Variants in SLC18A1 observed in about 807,000 individuals in gnomAD.
The protein encoded by SLC18A1 is chromaffin granule amine transporter.
In SLC18A1, 69 loss-of-function variants were observed where a neutral mutation model predicts 53.7. The ratio of observed to expected loss-of-function variants is 1.28; its 90% CI spans 1.06 to 1.57. The LOEUF (loss-of-function observed/expected upper bound fraction) is 1.57, where lower values mean the gene tolerates loss of function less well. SLC18A1 is among the 40% of genes most tolerant of loss of function. SLC18A1 has a pLI of 0.00. For synonymous variants in SLC18A1, 320 were observed against 248.1 expected (o/e 1.29, Z -2.72); for missense variants, 932 against 668.1 (o/e 1.40, Z -4.35).
In SLC18A1 at chr8:20,145,894, A is replaced by T. The variant is rs747143562; in HGVS notation, c.1465-18T>A. ...AGAATAGCCTGCAGAGAGAGGCAAG[A>T]AGAGAAGCCACTGCACATTATTATC... On this transcript the variant is annotated intron_variant, in intron 15 of 15. Transcript: ENST00000276373. 1.4e-6 allele frequency: 2 copies of T among 1,469,376 alleles called. No individual in the cohort carries two copies. Among genetic ancestry groups the T allele is most frequent in the Middle Eastern group, 1.8e-4 (1 of 5,614 alleles). 91.0% of individuals were successfully genotyped at this position (1,469,376 alleles called of 1,614,324 possible). A position where few individuals can be genotyped will look rare whatever the true frequency, so the allele number is the denominator to read the frequency against.
chr8:20,178,486 A>G lies in SLC18A1; in HGVS notation c.496T>C (p.Tyr166His). Residue 166 changes from tyrosine (Y) to histidine (H), a missense_variant, in exon 4 of 16, where the codon TAT (tyrosine) becomes CAT (histidine). Coordinates refer to ENST00000276373, the MANE Select transcript of SLC18A1 (RefSeq NM_003053.4). ...AAGCCAGCAAACATGGGGATATGAT[A>G]TCCAATCCTAAAAGGGAATTGAAAA... ...FVGPLTNRIG[Y>H]HIPMFAGFVI... is the part of the protein sequence containing the mutation. 1.2e-6 allele frequency: 2 copies of G among 1,605,746 alleles called. No individual in the cohort carries two copies. Among genetic ancestry groups the G allele is most frequent in the Non-Finnish European group, 1.7e-6 (2 of 1,175,366 alleles).
chr8:20,162,151 G>C (rs1328029295), intron 10 of SLC18A1, among the ~76,000 whole-genome samples: 1 of 152,208 alleles, frequency 6.6e-6, no homozygotes, highest in Non-Finnish European at 1.5e-5. Flanking sequence ...GCAGAGAGCA[G>C]AGTCCCAAGG....
chr8:20,151,827 CA>C (rs2071563716), intron 10 of SLC18A1, among the ~76,000 whole-genome samples: 2 of 151,974 alleles, frequency 1.3e-5, no homozygotes, highest in South Asian at 4.1e-4. Flanking sequence ...TTCATTTTAA[CA>C]AACTTTGACC....
rs1041746084 is a variant in SLC18A1 at position 20,164,852 on chromosome 8, G to A, written c.1015+17C>T. 2.7e-5 allele frequency: 43 copies of A among 1,591,522 alleles called. No individual in the cohort carries two copies. In the African/African-American group the frequency reaches 5.2e-4, roughly 19 times the overall value. On this transcript the variant is annotated intron_variant, in intron 10 of 15. Transcript: ENST00000276373. ...TCCTCCTGCCAGGCCCTGAGCGGGG[G>A]TGCTGAGGTCACTTACCCAGCTGCC...
intron 15 of SLC18A1, among the ~76,000 whole-genome samples, chr8:20,146,735 A>G (rs1426859659): frequency 6.6e-6 from 1 of 151,994 alleles, no homozygotes; most frequent in African/African-American, 2.4e-5. Context: ...AAGGCAGGAG[A>G]ATCTCTTGAA....
At chr8:20,167,622 G>GT (rs1424113294) in intron 8 of SLC18A1, among the ~76,000 whole-genome samples, 202 of 150,974 alleles carry the variant, frequency 1.3e-3, no homozygotes, top group African/African-American at 3.6e-3. Flanking sequence ...TGTTTTTTTT[G>GT]TTTTTTTTGT....
At chr8:20,165,006 C>T in intron 9 of SLC18A1, 41 bp downstream of exon 9, 1 of 1,613,772 alleles carries the variant, frequency 6.2e-7, no homozygotes, top group Non-Finnish European at 8.5e-7. Flanking sequence ...TGCTTGAAGC[C>T]CAGACACTCC....
chr8:20,150,660 A>G lies in SLC18A1; in HGVS notation c.1094+6T>C, dbSNP rs1424924739. The stretch of plus-strand genomic sequence containing the variant: ...ACTGTTCGTCCCAGATCCCGAGGCT[A>G]CATACCGACCCATCTTGTTGGCCAA... On this transcript the variant is annotated splice_donor_region_variant and intron_variant, in intron 11 of 15. Transcript: ENST00000276373. 6.2e-7 allele frequency: 1 copy of G among 1,613,198 alleles called. No homozygotes were observed. The highest frequency in any genetic ancestry group is 8.5e-7 in the Non-Finnish European group (1 of 1,179,250).
In SLC18A1 at chr8:20,169,899, G is replaced by T. The variant is rs115301572; in HGVS notation, c.858+1204C>A. On this transcript the variant is annotated intron_variant, in intron 8 of 15. Transcript: ENST00000276373. ...GTCTCAAAAAAGTAGATATTTATGGGTGCCTCACTTTCCTGGAATCTCAAG... is the reference window on the plus strand; with the variant it reads ...GTCTCAAAAAAGTAGATATTTATGGTTGCCTCACTTTCCTGGAATCTCAAG... 6.6e-3 allele frequency among the ~76,000 whole-genome samples: 1,009 copies of T among 152,178 alleles called. 12 individuals are homozygous for T. The highest frequency in any genetic ancestry group is 0.024 in the African/African-American group (978 of 41,516).
Position 20,180,987 on chromosome 8 carries a change from T to G in SLC18A1, c.-23A>C, listed in dbSNP as rs1225861608. On this transcript the variant is annotated 5_prime_UTR_variant, in exon 2 of 16. Transcript: ENST00000276373. ...CATGGTGATGGCCGGACTGGGGCAG[T>G]CTTCCCCTGCGGGCTCTTAGGGAAG... 6.4e-7 allele frequency: 1 copy of G among 1,557,442 alleles called. No homozygotes were observed. Among genetic ancestry groups the G allele is most frequent in the East Asian group, 2.4e-5 (1 of 41,322 alleles).
In SLC18A1 at chr8:20,178,477, G is replaced by A. The variant is rs1340574270; in HGVS notation, c.505C>T (p.Pro169Ser). Residue 169 changes from proline (P) to serine (S), a missense_variant, in exon 4 of 16, where the codon CCC (proline) becomes TCC (serine). Physicochemically the swap from Pro to Ser is moderately conservative, Grantham distance 74. Coordinates refer to ENST00000276373, the MANE Select transcript of SLC18A1 (RefSeq NM_003053.4). ...PLTNRIGYHIPMFAGFVIMFL... is the reference protein window; with the variant it reads ...PLTNRIGYHISMFAGFVIMFL... The stretch of plus-strand genomic sequence containing the variant: ...ATGATAACAAAGCCAGCAAACATGG[G>A]GATATGATATCCAATCCTAAAAGGG... The A allele has an allele frequency of 2.8e-5, 45 of 1,608,168 alleles. No homozygotes were observed. The highest frequency in any genetic ancestry group is 3.6e-5 in the Non-Finnish European group (42 of 1,177,486).
intron 10 of SLC18A1, among the ~76,000 whole-genome samples, chr8:20,152,426 A>G (rs1220664562): frequency 2.6e-5 from 4 of 152,206 alleles, no homozygotes; most frequent in African/African-American, 7.2e-5. Flanking sequence ...ATTAGAAGTC[A>G]TGGTGGAGAG....
rs1254217079 is a variant in SLC18A1, at chr8:20,171,463, C to G, written c.756G>C (p.Glu252Asp). Residue 252 changes from glutamate to aspartate, a missense_variant, in exon 7 of 16, where the codon GAG becomes GAC. By Grantham distance (45) the Glu-to-Asp change is conservative. Coordinates refer to ENST00000276373, the MANE Select transcript of SLC18A1 (RefSeq NM_003053.4). ...GGAAGGGTGCAGACTTCCCAACAAA[C>G]TCGTACATTACACTTCCAAAGGGAG... The part of the protein sequence containing the change: ...VGAPFGSVMY[E>D]FVGKSAPFLI... 6 of 1,614,182 alleles carry G rather than the reference C, an allele frequency of 3.7e-6. No individual in the cohort carries two copies. Among genetic ancestry groups the G allele is most frequent in the Non-Finnish European group, 5.1e-6 (6 of 1,180,026 alleles).
rs546246680 is a variant in SLC18A1, at chr8:20,165,160, C to T, written c.859-53G>A. ...CATTTGTACAGTGCATACATCTCTC[C>T]TATTTTCACAGAATCTGAGAAAGTA... On this transcript the variant is annotated intron_variant, in intron 8 of 15. Transcript: ENST00000276373. 4.4e-4 allele frequency: 635 copies of T among 1,455,516 alleles called. 6 individuals carry two copies. The highest frequency in any genetic ancestry group is 2.1e-3 in the South Asian group (180 of 87,750). 90.2% of individuals were successfully genotyped at this position (1,455,516 alleles called of 1,614,324 possible).
intron 10 of SLC18A1, among the ~76,000 whole-genome samples, chr8:20,161,393 A>G (rs2128872893): frequency 6.6e-6 from 1 of 152,348 alleles, no homozygotes; most frequent in African/African-American, 2.4e-5. Context: ...AATAATACAA[A>G]AAAGAAAATA....
chr8:20,154,751 GCT>G (rs1563731766), intron 10 of SLC18A1, among the ~76,000 whole-genome samples: 3 of 152,230 alleles, frequency 2.0e-5, no homozygotes, highest in Admixed American at 1.3e-4. Context: ...CCCTTTGGGA[GCT>G]CTGTTTTCAC....
intron 10 of SLC18A1, among the ~76,000 whole-genome samples, chr8:20,154,876 G>T (rs917025331): frequency 1.3e-5 from 2 of 152,116 alleles, no homozygotes; most frequent in Non-Finnish European, 2.9e-5. Flanking sequence ...ACCCACCATT[G>T]ACTTCCACCC....
At chr8:20,150,616 T>A in intron 11 of SLC18A1, 50 bp downstream of exon 11, 1 of 1,474,888 alleles carries the variant, frequency 6.8e-7, no homozygotes, top group East Asian at 2.3e-5. Flanking sequence ...GAACGGGCGC[T>A]CTTCCATCTT....
intron 4 of SLC18A1, among the ~76,000 whole-genome samples, chr8:20,176,153 G>A (rs1282602336): frequency 6.6e-6 from 1 of 152,156 alleles, no homozygotes; most frequent in African/African-American, 2.4e-5. Context: ...TTGGGTTATG[G>A]GGAAGGATCC....
Sources: gnomAD v4.1 joint callset for allele counts (sites outside exome capture counted in the v4.1 genomes callset) on GRCh38, gnomAD v4.1.1 for gene constraint, MANE v1.5 for transcripts, NCBI Gene and HGNC (gene_info 2026-07-23, HGNC 2026-07-21) for gene names.